Variants in NCKAP5 observed in about 807,000 individuals in gnomAD.
The protein encoded by NCKAP5 is nck-associated protein 5.
Under a neutral mutation model 167.0 loss-of-function variants are expected in NCKAP5, and 92 were observed. The ratio of observed to expected loss-of-function variants is 0.55; its 90% confidence interval spans 0.47 to 0.66. NCKAP5 has a LOEUF of 0.66. NCKAP5 is among the 30% of genes least tolerant of loss of function. The pLI is 0.00. For synonymous variants in NCKAP5, 891 were observed against 877.4 expected (o/e 1.02, Z -0.27); for missense variants, 2,378 against 2,315.0 (o/e 1.03, Z -0.56).
chr2:132,742,372 CT>C (rs1167409956), intron 16 of NCKAP5, among the ~76,000 whole-genome samples: 1 of 151,926 alleles, frequency 6.6e-6, no homozygotes, highest in Non-Finnish European at 1.5e-5. Flanking sequence ...TTTAAATCAG[CT>C]TTATTTGTCA....
chr2:133,441,859 T>C (rs1049679061), intron 3 of NCKAP5, among the ~76,000 whole-genome samples: 2 of 152,226 alleles, frequency 1.3e-5, no homozygotes, highest in African/African-American at 4.8e-5. Context: ...CTAAGACTTT[T>C]ATTTAAATAT....
In NCKAP5 at chr2:132,981,582, C is replaced by T. The variant is rs186373998; in HGVS notation, c.429+12570G>A. On this transcript the variant is annotated intron_variant, in intron 7 of 19. Transcript: ENST00000409261. ...CTTTCCCCCGGTTCACCCAGGGAACCATTAGGAATTAGTCTATTGAATAAG... is the reference window on the plus strand; with the variant it reads ...CTTTCCCCCGGTTCACCCAGGGAACTATTAGGAATTAGTCTATTGAATAAG... 4.6e-5 allele frequency among the ~76,000 whole-genome samples: 7 copies of T among 152,156 alleles called. No individual in the cohort carries two copies. In the South Asian group the frequency reaches 6.2e-4, roughly 13 times the overall value.
chr2:132,813,726 T>C (rs959699818), intron 11 of NCKAP5, among the ~76,000 whole-genome samples: 2 of 152,194 alleles, frequency 1.3e-5, no homozygotes, highest in Non-Finnish European at 2.9e-5. Flanking sequence ...ATCACTTAAC[T>C]TTGGAAGATA....
At chr2:132,971,879 G>C (rs2076845309) in intron 7 of NCKAP5, among the ~76,000 whole-genome samples, 1 of 152,150 alleles carries the variant, frequency 6.6e-6, no homozygotes, top group African/African-American at 2.4e-5. Flanking sequence ...CAATACCTGG[G>C]AGTGGGGACA....
chr2:132,984,641 T>C (rs1946798), intron 7 of NCKAP5, among the ~76,000 whole-genome samples: 2 of 151,918 alleles, frequency 1.3e-5, no homozygotes, highest in African/African-American at 4.8e-5. Flanking sequence ...ATCTCAGTAA[T>C]GAAAGTGTAT....
Position 133,181,603 on chromosome 2 carries a change from C to CAAAAAAAAAAAAAAAAAA in NCKAP5, c.207+32095_207+32112dup, listed in dbSNP as rs34264277. ...GCAACATGGTAAATCCCCATCTCTACAAAAAAAAAAAAAAAAAAAAAAAAA... is the reference window on the plus strand; with the variant it reads ...GCAACATGGTAAATCCCCATCTCTACAAAAAAAAAAAAAAAAAAAAAAAAAAAAAAAAAAAAAAAAAAA... On this transcript the variant is annotated intron_variant, in intron 5 of 19. Coordinates refer to ENST00000409261, the MANE Select transcript of NCKAP5 (RefSeq NM_207363.3). Among the ~76,000 whole-genome samples, 24 of 71,150 alleles carry CAAAAAAAAAAAAAAAAAA rather than the reference C, an allele frequency of 3.4e-4. 2 individuals carry two copies. Among genetic ancestry groups the CAAAAAAAAAAAAAAAAAA allele is most frequent in the African/African-American group, 1.3e-3 (23 of 17,354 alleles). The allele number at this position is 71,150 out of a possible 152,430, so 46.7% of individuals were successfully genotyped here. A position where few individuals can be genotyped will look rare whatever the true frequency, so the allele number is the denominator to read the frequency against.
At chr2:132,903,959 G>T (rs890717170) in intron 8 of NCKAP5, among the ~76,000 whole-genome samples, 50 of 152,112 alleles carry the variant, frequency 3.3e-4, no homozygotes, top group African/African-American at 8.9e-4. Context: ...TCTTTTTCTT[G>T]TGACATAGAG....
intron 5 of NCKAP5, among the ~76,000 whole-genome samples, chr2:133,138,354 T>C (rs1250962378): frequency 3.3e-5 from 5 of 152,186 alleles, no homozygotes; most frequent in Admixed American, 2.6e-4. Context: ...TACTGCATAG[T>C]CAATGGTTTT....
chr2:133,480,565 T>C (rs1680333826), intron 3 of NCKAP5, among the ~76,000 whole-genome samples: 1 of 152,144 alleles, frequency 6.6e-6, no homozygotes, highest in Admixed American at 6.5e-5. Flanking sequence ...GAGAAAGTGT[T>C]TACTCTACAG....
intron 5 of NCKAP5, among the ~76,000 whole-genome samples, chr2:133,149,513 T>C (rs186393096): frequency 1.4e-5 from 2 of 143,830 alleles, no homozygotes; most frequent in Non-Finnish European, 3.0e-5. Context: ...AAATTGCGCA[T>C]AACATGCAGG....
chr2:132,939,526 G>GT (rs1202314796), intron 8 of NCKAP5, among the ~76,000 whole-genome samples: 9 of 152,136 alleles, frequency 5.9e-5, no homozygotes, highest in Non-Finnish European at 1.0e-4. Context: ...TTCAAGTGCT[G>GT]TAAGACCTAT....
chr2:133,131,964 G>A (rs2082616678), intron 5 of NCKAP5, among the ~76,000 whole-genome samples: 1 of 129,924 alleles, frequency 7.7e-6, no homozygotes, highest in African/African-American at 3.0e-5. Context: ...TCCAGAAACA[G>A]GCCAAAAAAA....
chr2:133,627,922 G>A, the NCKAP5 span, among the ~76,000 whole-genome samples: 16 of 152,276 alleles, frequency 1.1e-4, no homozygotes, highest in East Asian at 3.9e-4. Context: ...GGCTTTGGCC[G>A]TGGTACTTCC....
chr2:133,525,793 A>C (rs1211407242), intron 2 of NCKAP5, among the ~76,000 whole-genome samples: 1 of 152,126 alleles, frequency 6.6e-6, no homozygotes, highest in African/African-American at 2.4e-5. Flanking sequence ...GGCCTCATCA[A>C]GCCAGCTGTC....
intron 3 of NCKAP5, among the ~76,000 whole-genome samples, chr2:133,351,862 G>C (rs545081403): frequency 1.3e-5 from 2 of 152,166 alleles, no homozygotes; most frequent in South Asian, 4.2e-4. Flanking sequence ...ACCTCCAACT[G>C]CCAGCTTATT....
chr2:132,816,749 A>G (rs941307941), intron 11 of NCKAP5, among the ~76,000 whole-genome samples: 1 of 152,164 alleles, frequency 6.6e-6, no homozygotes, highest in Non-Finnish European at 1.5e-5. Context: ...TATGACACGG[A>G]GCTATGGACC....
chr2:133,157,404 C>T (rs1428862260), intron 5 of NCKAP5, among the ~76,000 whole-genome samples: 2 of 152,300 alleles, frequency 1.3e-5, no homozygotes, highest in East Asian at 1.9e-4. Context: ...GGCATTAATA[C>T]GTAGAGGAAA....
chr2:133,570,256 A>G (rs1471448945), upstream of NCKAP5, among the ~76,000 whole-genome samples: 1 of 152,186 alleles, frequency 6.6e-6, no homozygotes, highest in Non-Finnish European at 1.5e-5. Context: ...TCACATTTGT[A>G]TGCTTTGTGT....
At chr2:133,576,052 G>C in the NCKAP5 span, among the ~76,000 whole-genome samples, 1 of 152,200 alleles carries the variant, frequency 6.6e-6, no homozygotes, top group African/African-American at 2.4e-5. Flanking sequence ...ACTGGAAAAG[G>C]AGATGAAAGT....
Sources: gnomAD v4.1 joint callset for allele counts (sites outside exome capture counted in the v4.1 genomes callset) on GRCh38, gnomAD v4.1.1 for gene constraint, MANE v1.5 for transcripts, NCBI Gene and HGNC (gene_info 2026-07-23, HGNC 2026-07-21) for gene names.